GRIN2A: variants seen among roughly 807,000 people sequenced by gnomAD.
GRIN2A encodes glutamate ionotropic receptor NMDA type subunit 2A, also known as glutamate receptor ionotropic, NMDA 2A.
A neutral mutation model predicts 113.4 loss-of-function variants in GRIN2A; 22 were observed. The ratio of observed to expected loss-of-function variants is 0.19; its 90% CI spans 0.14 to 0.28. The LOEUF (loss-of-function observed/expected upper bound fraction) is 0.28. Among genes scored for constraint, GRIN2A ranks in the 10% least tolerant of loss-of-function variants. GRIN2A has a pLI of 1.00. For synonymous variants in GRIN2A, 827 were observed against 738.4 expected, an observed-to-expected ratio of 1.12 and a Z score of -1.94; for missense variants, 1,502 against 1,887.0, an observed-to-expected ratio of 0.80 and a Z score of 3.78.
chr16:9,995,281 G>A (rs1289491022), intron 2 of GRIN2A, among the ~76,000 whole-genome samples: 1 of 152,122 alleles, frequency 6.6e-6, no homozygotes, highest in Non-Finnish European at 1.5e-5. Flanking sequence ...GACACAAAGA[G>A]GTCAAACAGC....
chr16:9,938,619 G>A (rs764888612), intron 2 of GRIN2A, 68 bp from the exon 3 acceptor site: 72 of 1,073,050 alleles, frequency 6.7e-5, no homozygotes, highest in Admixed American at 2.1e-4. Flanking sequence ...CACAAACTGC[G>A]TCCTAGAAGT....
intron 3 of GRIN2A, among the ~76,000 whole-genome samples, chr16:9,927,044 G>A (rs900455983): frequency 6.1e-4 from 93 of 152,178 alleles, no homozygotes; most frequent in African/African-American, 2.1e-3. Flanking sequence ...TACATTACCT[G>A]TGTGGCTCTT....
chr16:10,118,963 T>C (rs1192048391), intron 2 of GRIN2A, among the ~76,000 whole-genome samples: 1 of 152,128 alleles, frequency 6.6e-6, no homozygotes, highest in Non-Finnish European at 1.5e-5. Context: ...TTTCTGCTGA[T>C]TGGAAAGAAA....
intron 2 of GRIN2A, among the ~76,000 whole-genome samples, chr16:10,012,354 G>T (rs2046522334): frequency 6.6e-6 from 1 of 152,168 alleles, no homozygotes; most frequent in Admixed American, 6.5e-5. Flanking sequence ...TCAAAGGGTT[G>T]TATTAATGCA....
intron 2 of GRIN2A, among the ~76,000 whole-genome samples, chr16:9,986,274 T>C (rs553549915): frequency 7.2e-5 from 11 of 152,202 alleles, no homozygotes; most frequent in African/African-American, 2.6e-4. Context: ...GAACTGAAAT[T>C]ATGACGTTAG....
At chr16:9,780,283 C>T (rs1270542797) in intron 11 of GRIN2A, among the ~76,000 whole-genome samples, 2 of 152,118 alleles carry the variant, frequency 1.3e-5, no homozygotes, top group Non-Finnish European at 2.9e-5. Context: ...CAATAAGTGC[C>T]TTTGTGCACA....
chr16:9,906,516 A>G (rs1041458126), intron 3 of GRIN2A, among the ~76,000 whole-genome samples: 15 of 152,288 alleles, frequency 9.8e-5, no homozygotes, highest in East Asian at 7.7e-4. Flanking sequence ...ACGTGACTCA[A>G]TCTCATTCAA....
chr16:10,054,723 A>G (rs1372416835), intron 2 of GRIN2A, among the ~76,000 whole-genome samples: 1 of 152,236 alleles, frequency 6.6e-6, no homozygotes, highest in Non-Finnish European at 1.5e-5. Flanking sequence ...ATAAACACAG[A>G]TAAATCTCAA....
At chr16:9,795,945 A>T (rs1011979188) in intron 11 of GRIN2A, among the ~76,000 whole-genome samples, 4 of 152,178 alleles carry the variant, frequency 2.6e-5, no homozygotes, top group Non-Finnish European at 5.9e-5. Flanking sequence ...CTTCCAGAGT[A>T]AGGTCCCTGA....
chr16:10,070,419 G>A (rs2142028693), intron 2 of GRIN2A, among the ~76,000 whole-genome samples: 1 of 152,286 alleles, frequency 6.6e-6, no homozygotes, highest in Non-Finnish European at 1.5e-5. Flanking sequence ...AATCCCAGGT[G>A]ATTTGTGCAT....
At chr16:9,925,741 G>A (rs2044451440) in intron 3 of GRIN2A, among the ~76,000 whole-genome samples, 1 of 152,142 alleles carries the variant, frequency 6.6e-6, no homozygotes, top group Admixed American at 6.5e-5. Flanking sequence ...TCAGTCTGTA[G>A]GGGATATTAC....
chr16:9,862,524 T>A (rs764096897), intron 4 of GRIN2A, among the ~76,000 whole-genome samples: 12 of 152,216 alleles, frequency 7.9e-5, no homozygotes, highest in Non-Finnish European at 5.9e-5. Flanking sequence ...GCTTGTTCAA[T>A]CTCAAATTTA....
chr16:9,829,981 G>C (rs1357438770), intron 8 of GRIN2A, among the ~76,000 whole-genome samples: 1 of 152,184 alleles, frequency 6.6e-6, no homozygotes, highest in African/African-American at 2.4e-5. Context: ...GAGGAAACCA[G>C]CCTTCTTAAT....
chr16:10,090,820 G>C (rs909928558), intron 2 of GRIN2A, among the ~76,000 whole-genome samples: 1 of 151,972 alleles, frequency 6.6e-6, no homozygotes, highest in Non-Finnish European at 1.5e-5. Context: ...AATATATAAA[G>C]AACTCCTACA....
At chr16:9,825,853 C>A (rs1199161247) in intron 9 of GRIN2A, among the ~76,000 whole-genome samples, 1 of 152,110 alleles carries the variant, frequency 6.6e-6, no homozygotes, top group African/African-American at 2.4e-5. Context: ...CCACTGAGAG[C>A]AGTTGCCTCA....
chr16:10,025,210 T>C (rs2937030), intron 2 of GRIN2A, among the ~76,000 whole-genome samples: 119,580 of 151,490 alleles, frequency 0.79, 47,905 homozygotes, highest in Non-Finnish European at 0.85. Context: ...CATAAAACTA[T>C]CATGCTTATA....
chr16:9,970,705 C>G (rs1312940871), intron 2 of GRIN2A: 1 of 868,596 alleles, frequency 1.2e-6, no homozygotes, highest in East Asian at 1.2e-4. Flanking sequence ...AAGTTAGGTA[C>G]TGAAGATAAA....
chr16:9,787,232 T>C (rs1902284843), intron 11 of GRIN2A, among the ~76,000 whole-genome samples: 1 of 127,262 alleles, frequency 7.9e-6, no homozygotes, highest in East Asian at 2.1e-4. Flanking sequence ...GAGGTCTGAA[T>C]AGAAACACTG....
At chr16:9,797,614 A>G (rs550627324) in intron 11 of GRIN2A, among the ~76,000 whole-genome samples, 18 of 152,356 alleles carry the variant, frequency 1.2e-4, no homozygotes, top group Admixed American at 9.1e-4. Flanking sequence ...ACCGTGAGTC[A>G]TGCCTGATAA....
Sources: gnomAD v4.1 joint callset for allele counts (sites outside exome capture counted in the v4.1 genomes callset) on GRCh38, gnomAD v4.1.1 for gene constraint, MANE v1.5 for transcripts, NCBI Gene and HGNC (gene_info 2026-07-23, HGNC 2026-07-21) for gene names.